The following ERC1 variants were observed in gnomAD, a reference collection of about 807,000 sequenced individuals.
The protein encoded by ERC1 is ELKS/RAB6-interacting/CAST family member 1, also known as RAB6 interacting protein 2.
In ERC1, 56 loss-of-function variants were observed where a neutral mutation model predicts 132.0. The ratio of observed to expected loss-of-function variants is 0.42; its 90% confidence interval spans 0.34 to 0.53. The LOEUF is 0.53. Among genes scored for constraint, ERC1 ranks in the 20% least tolerant of loss-of-function variants. The pLI, the probability that ERC1 is intolerant of heterozygous loss-of-function variation, is 0.03. For synonymous variants in ERC1, 478 were observed against 476.1 expected, an observed-to-expected ratio of 1.00 and a Z score of -0.05; for missense variants, 1,202 against 1,349.9, an observed-to-expected ratio of 0.89 and a Z score of 1.72.
chr12:1,032,520 G>A (rs1048078127), intron 2 of ERC1, among the ~76,000 whole-genome samples: 5 of 152,046 alleles, frequency 3.3e-5, no homozygotes, highest in Admixed American at 1.3e-4. Flanking sequence ...ACTCTTGTTC[G>A]TAATGATCAT....
chr12:998,762 C>T (rs1000861771), intron 1 of ERC1, among the ~76,000 whole-genome samples: 2 of 151,994 alleles, frequency 1.3e-5, no homozygotes, highest in African/African-American at 4.8e-5. Flanking sequence ...AGCGGATACC[C>T]CTCCTTCCTT....
chr12:1,112,891 CATA>C (rs1946042264), intron 6 of ERC1, among the ~76,000 whole-genome samples: 1 of 152,128 alleles, frequency 6.6e-6, no homozygotes, highest in Admixed American at 6.5e-5. Flanking sequence ...CAATTCAGAA[CATA>C]ATAATAAAAT....
Position 1,129,311 on chromosome 12 carries a change from CAACAACAACAACAAAACT to C in ERC1, c.1570-12292_1570-12275del, listed in dbSNP as rs1486871179. On this transcript the variant is annotated intron_variant, in intron 7 of 18. Transcript: ENST00000360905. Reference sequence around the variant, plus strand: ...AACAGTGAGACTGCGTCTCCACAAACAACAACAACAACAAAACTAACAACAACAACAAAAAACTAACCA... The same window carrying C: ...AACAGTGAGACTGCGTCTCCACAAACAACAACAACAACAAAAAACTAACCA... Among the ~76,000 whole-genome samples the C allele has an allele frequency of 8.1e-3, 142 of 17,548 alleles. 2 individuals are homozygous for C. The highest frequency in any genetic ancestry group is 0.039 in the Non-Finnish European group (6 of 152). The allele number at this position is 17,548 out of a possible 152,430, so 11.5% of individuals were successfully genotyped here.
chr12:1,175,438 C>T (rs773156616), intron 8 of ERC1, among the ~76,000 whole-genome samples: 15 of 148,854 alleles, frequency 1.0e-4, no homozygotes, highest in African/African-American at 3.8e-4. Context: ...ATGTTCACAT[C>T]ATCTTCACCA....
intron 7 of ERC1, among the ~76,000 whole-genome samples, chr12:1,137,443 A>G (rs1412351344): frequency 6.6e-6 from 1 of 152,012 alleles, no homozygotes; most frequent in Admixed American, 6.6e-5. Context: ...GAGGTAAACT[A>G]TTTAACTACG....
At chr12:1,169,537 C>G (rs1952829316) in intron 8 of ERC1, among the ~76,000 whole-genome samples, 1 of 152,138 alleles carries the variant, frequency 6.6e-6, no homozygotes, top group Non-Finnish European at 1.5e-5. Context: ...CCAAAGAGCA[C>G]CGTCTAATAA....
chr12:1,299,560 A>C (rs1029040580), intron 15 of ERC1, among the ~76,000 whole-genome samples: 1 of 152,212 alleles, frequency 6.6e-6, no homozygotes. Flanking sequence ...GTTGAAATTC[A>C]TTGATCTTAG....
intron 2 of ERC1, among the ~76,000 whole-genome samples, chr12:1,047,908 G>A (rs913818465): frequency 1.3e-5 from 2 of 152,104 alleles, no homozygotes; most frequent in African/African-American, 4.8e-5. Flanking sequence ...TCAAGGTGAT[G>A]GAGGGTGAAT....
In ERC1 at chr12:1,263,024, C is replaced by G; in HGVS notation, c.2488-10C>G. ...TAATCCACTTCACCTAGTCTTCCAT[C>G]ATTTTCTAGGACAGTCTCCGTAAGA... On this transcript the variant is annotated splice_polypyrimidine_tract_variant and intron_variant, in intron 13 of 18. Transcript: ENST00000360905. The G allele has an allele frequency of 1.9e-6, 3 of 1,613,244 alleles. No homozygotes were observed. Among genetic ancestry groups the G allele is most frequent in the Non-Finnish European group, 2.5e-6 (3 of 1,179,608 alleles).
At chr12:1,298,194 C>A (rs1462868279) in intron 15 of ERC1, among the ~76,000 whole-genome samples, 1 of 152,140 alleles carries the variant, frequency 6.6e-6, no homozygotes, top group Non-Finnish European at 1.5e-5. Flanking sequence ...TGATAAGGTG[C>A]ATGTTGTTAG....
chr12:1,065,890 T>C (rs1304135662), intron 2 of ERC1, among the ~76,000 whole-genome samples: 1 of 152,176 alleles, frequency 6.6e-6, no homozygotes, highest in Non-Finnish European at 1.5e-5. Context: ...CAAAACTTTA[T>C]CCTGACTGAA....
At chr12:1,035,874 A>G (rs1968966706) in intron 2 of ERC1, among the ~76,000 whole-genome samples, 1 of 151,894 alleles carries the variant, frequency 6.6e-6, no homozygotes, top group South Asian at 2.1e-4. Flanking sequence ...GTGAGCTGAG[A>G]TCGCACCACT....
chr12:1,265,668 C>T (rs771257029), intron 14 of ERC1, among the ~76,000 whole-genome samples: 1 of 152,174 alleles, frequency 6.6e-6, no homozygotes, highest in Non-Finnish European at 1.5e-5. Context: ...TCTGCCATTA[C>T]AGTATTATAC....
chr12:1,158,601 T>C (rs1335449376), intron 8 of ERC1, among the ~76,000 whole-genome samples: 1 of 132,612 alleles, frequency 7.5e-6, no homozygotes, highest in Non-Finnish European at 1.6e-5. Flanking sequence ...AGCTAATTTT[T>C]CTTTTCTTTT....
intron 7 of ERC1, among the ~76,000 whole-genome samples, chr12:1,121,478 A>T (rs975499382): frequency 6.6e-6 from 1 of 152,238 alleles, no homozygotes; most frequent in Admixed American, 6.5e-5. Context: ...AGGTTGATGG[A>T]ATTACATAGC....
chr12:1,007,026 T>C (rs934684854), intron 1 of ERC1, among the ~76,000 whole-genome samples: 4 of 151,740 alleles, frequency 2.6e-5, no homozygotes, highest in African/African-American at 9.7e-5. Context: ...TATGACTCTG[T>C]ATTGTGTTCC....
chr12:1,432,465 A>G (rs1039691361), intron 17 of ERC1, among the ~76,000 whole-genome samples: 10 of 152,360 alleles, frequency 6.6e-5, no homozygotes, highest in Admixed American at 6.5e-4. Flanking sequence ...ATGTGGTGGC[A>G]TTAAAATGTC....
chr12:1,249,958 C>T (rs914796358), intron 13 of ERC1, among the ~76,000 whole-genome samples: 1 of 152,174 alleles, frequency 6.6e-6, no homozygotes, highest in Non-Finnish European at 1.5e-5. Flanking sequence ...TAATGACCTC[C>T]CAAAAGCTCC....
At chr12:1,263,493 T>A (rs1334885848) in intron 14 of ERC1, among the ~76,000 whole-genome samples, 2 of 152,158 alleles carry the variant, frequency 1.3e-5, no homozygotes, top group Non-Finnish European at 2.9e-5. Context: ...GAAATAAAGT[T>A]GTATGAGAAT....
Sources: gnomAD v4.1 joint callset for allele counts (sites outside exome capture counted in the v4.1 genomes callset) on GRCh38, gnomAD v4.1.1 for gene constraint, MANE v1.5 for transcripts, NCBI Gene and HGNC (gene_info 2026-07-23, HGNC 2026-07-21) for gene names.